The following ZMAT4 variants were observed in gnomAD, a reference collection of about 807,000 sequenced individuals.
The protein encoded by ZMAT4 is zinc finger matrin-type protein 4.
ZMAT4 carries 17 observed loss-of-function variants against 28.7 expected under a neutral mutation model. The observed-to-expected ratio is 0.59, with a 90% CI of 0.41 to 0.89. The LOEUF is 0.89. ZMAT4 is among the 40% of genes least tolerant of loss of function. The pLI, the probability that ZMAT4 is intolerant of heterozygous loss-of-function variation, is 0.00. For synonymous variants in ZMAT4, 117 were observed against 109.2 expected (o/e 1.07, Z -0.44); for missense variants, 240 against 283.8 (o/e 0.85, Z 1.11).
chr8:40,728,358 T>G (rs1203042386), intron 3 of ZMAT4, among the ~76,000 whole-genome samples: 1 of 152,186 alleles, frequency 6.6e-6, no homozygotes, highest in Non-Finnish European at 1.5e-5. Context: ...CAGTATAAAT[T>G]TTTTTCTTGT....
intron 1 of ZMAT4, among the ~76,000 whole-genome samples, chr8:40,844,990 G>A (rs774072540): frequency 2.0e-5 from 3 of 152,144 alleles, no homozygotes; most frequent in Non-Finnish European, 2.9e-5. Flanking sequence ...GTGACCTCAC[G>A]ACCATAAACT....
intron 1 of ZMAT4, among the ~76,000 whole-genome samples, chr8:40,845,814 G>A (rs1480523560): frequency 3.8e-5 from 2 of 53,036 alleles, no homozygotes; most frequent in East Asian, 2.3e-3. Flanking sequence ...GAGACTAAGG[G>A]TGGAGGGGGC....
At chr8:40,756,921 G>A (rs1812722269) in intron 3 of ZMAT4, among the ~76,000 whole-genome samples, 1 of 152,042 alleles carries the variant, frequency 6.6e-6, no homozygotes, top group African/African-American at 2.4e-5. Context: ...ATGTCACTCA[G>A]CCTGAAGCAC....
intron 5 of ZMAT4, among the ~76,000 whole-genome samples, chr8:40,636,031 G>A (rs1310390479): frequency 2.6e-5 from 4 of 152,190 alleles, no homozygotes; most frequent in Non-Finnish European, 5.9e-5. Context: ...TTTCCTATCC[G>A]ACTGTTGTAA....
chr8:40,647,293 C>G (rs918151892), intron 5 of ZMAT4, among the ~76,000 whole-genome samples: 1 of 152,052 alleles, frequency 6.6e-6, no homozygotes, highest in Admixed American at 6.5e-5. Flanking sequence ...GTTCCCTTTC[C>G]GAGTCAAAGA....
chr8:40,638,985 G>T (rs1806899231), intron 5 of ZMAT4, among the ~76,000 whole-genome samples: 1 of 152,202 alleles, frequency 6.6e-6, no homozygotes, highest in African/African-American at 2.4e-5. Flanking sequence ...CTTAGTCACA[G>T]TAGCCTTGCT....
At chr8:40,892,196 C>T (rs1353420053) in intron 1 of ZMAT4, among the ~76,000 whole-genome samples, 3 of 152,212 alleles carry the variant, frequency 2.0e-5, no homozygotes, top group Non-Finnish European at 4.4e-5. Context: ...CATCTTATTT[C>T]ATTTATCCAG....
intron 2 of ZMAT4, among the ~76,000 whole-genome samples, chr8:40,817,521 T>C (rs1040848073): frequency 6.6e-6 from 1 of 152,238 alleles, no homozygotes; most frequent in Non-Finnish European, 1.5e-5. Context: ...AAAGTCACAG[T>C]GTCGCCCTGC....
intron 6 of ZMAT4, among the ~76,000 whole-genome samples, chr8:40,551,425 T>A (rs1034635639): frequency 1.3e-5 from 2 of 152,212 alleles, no homozygotes; most frequent in South Asian, 2.1e-4. Context: ...AAATATATCA[T>A]CATCAATCAA....
At chr8:40,533,068 G>A (rs1802744074) in intron 6 of ZMAT4, among the ~76,000 whole-genome samples, 1 of 152,062 alleles carries the variant, frequency 6.6e-6, no homozygotes, top group Non-Finnish European at 1.5e-5. Context: ...AGGATTTTTA[G>A]TTTTGTTTTT....
At chr8:40,708,721 C>T (rs1810475978) in intron 3 of ZMAT4, among the ~76,000 whole-genome samples, 1 of 149,842 alleles carries the variant, frequency 6.7e-6, no homozygotes, top group Non-Finnish European at 1.5e-5. Flanking sequence ...GCAATCTCAG[C>T]TCACTGCAAC....
chr8:40,742,693 C>T (rs150720646), intron 3 of ZMAT4, among the ~76,000 whole-genome samples: 257 of 151,732 alleles, frequency 1.7e-3, no homozygotes, highest in African/African-American at 5.9e-3. Context: ...TGGGTGTTAT[C>T]TCCTTTAGCA....
At position 40,679,535 on chromosome 8, in the gene ZMAT4, C is replaced by G. The variant is rs116587959; in HGVS notation, c.350-4604G>C. 6.7e-3 allele frequency among the ~76,000 whole-genome samples: 1,015 copies of G among 152,224 alleles called. 11 individuals carry two copies. Among genetic ancestry groups the G allele is most frequent in the African/African-American group, 0.023 (963 of 41,528 alleles). ...GGCAGCAGGAAGGAGAAATGCCAAGCAAAGGACGGGAAGGCCCCTTATAAA... is the reference window on the plus strand; with the variant it reads ...GGCAGCAGGAAGGAGAAATGCCAAGGAAAGGACGGGAAGGCCCCTTATAAA... On this transcript the variant is annotated intron_variant, in intron 4 of 6. Transcript: ENST00000297737.
chr8:40,594,681 A>G (rs1563356314), intron 5 of ZMAT4, among the ~76,000 whole-genome samples: 1 of 152,248 alleles, frequency 6.6e-6, no homozygotes, highest in Non-Finnish European at 1.5e-5. Flanking sequence ...TTGGACAAAA[A>G]TAAAGACCTA....
intron 2 of ZMAT4, among the ~76,000 whole-genome samples, chr8:40,789,021 G>T (rs1814209107): frequency 7.8e-6 from 1 of 128,384 alleles, no homozygotes; most frequent in Admixed American, 7.8e-5. Context: ...AAGAGGAAGG[G>T]AGGGAGGGAG....
rs144919411 is a variant in ZMAT4 at position 40,581,253 on chromosome 8, G to C, written c.586C>G (p.Arg196Gly). 1 of 1,612,904 alleles carries C rather than the reference G, an allele frequency of 6.2e-7. No individual in the cohort carries two copies. The highest frequency in any genetic ancestry group is 1.3e-5 in the African/African-American group (1 of 74,962). Residue 196 changes from arginine (R) to glycine (G), a missense_variant, in exon 6 of 7, where the codon CGC becomes GGC. Transcript: ENST00000297737. ...CTGCAGATGGTACATCTGTAATTGC[G>C]CCTCAGACCTGTGGACAACAGACAG... ...LDMGELRGLR[R>G]NYRCTICSVS...
At chr8:40,850,876 T>C (rs990938016) in intron 1 of ZMAT4, among the ~76,000 whole-genome samples, 9 of 152,346 alleles carry the variant, frequency 5.9e-5, no homozygotes, top group African/African-American at 2.2e-4. Flanking sequence ...TTAAAAATCA[T>C]TGAGATTTCA....
At chr8:40,591,284 G>C (rs1339590365) in intron 5 of ZMAT4, among the ~76,000 whole-genome samples, 1 of 152,166 alleles carries the variant, frequency 6.6e-6, no homozygotes, top group Non-Finnish European at 1.5e-5. Flanking sequence ...AGTGACACTT[G>C]GTGTGGAATC....
At chr8:40,535,000 TA>T (rs1282879871) in intron 6 of ZMAT4, among the ~76,000 whole-genome samples, 1 of 152,154 alleles carries the variant, frequency 6.6e-6, no homozygotes, top group Admixed American at 6.5e-5. Flanking sequence ...GCTACCTTTC[TA>T]AAACTAATGT....
Sources: allele counts gnomAD v4.1 joint callset (sites outside exome capture counted in the v4.1 genomes callset), GRCh38; gene constraint gnomAD v4.1.1; transcripts MANE v1.5; gene names NCBI Gene and HGNC (gene_info 2026-07-23, HGNC 2026-07-21).